Variants in ENO1 observed in about 807,000 individuals in gnomAD.
ENO1 encodes the protein enolase 1.
ENO1 carries 33 observed loss-of-function variants against 46.3 expected under a neutral mutation model. That is an observed-to-expected ratio of 0.71 (90% CI 0.54 to 0.95). The LOEUF (loss-of-function observed/expected upper bound fraction) is 0.95, where lower values mean the gene tolerates loss of function less well. Among genes scored for constraint, ENO1 ranks in the 40% least tolerant of loss-of-function variants. The probability of loss-of-function intolerance (pLI) is 0.00; values close to 1 mark genes in which losing one functional copy is unlikely to be tolerated. For synonymous variants in ENO1, 220 were observed against 216.0 expected (o/e 1.02, Z -0.16); for missense variants, 488 against 553.3 (o/e 0.88, Z 1.18).
At chr1:8,865,562 A>T in intron 7 of ENO1, 80 bp from the exon 8 acceptor site, 1 of 1,371,238 alleles carries the variant, frequency 7.3e-7, no homozygotes, top group Non-Finnish European at 1.0e-6. Flanking sequence ...CTACACAGGG[A>T]CTGTAACACA....
intron 11 of ENO1, among the ~76,000 whole-genome samples, chr1:8,862,070 TCTGG>T (rs1642417044): frequency 6.6e-6 from 1 of 151,858 alleles, no homozygotes; most frequent in South Asian, 2.1e-4. Flanking sequence ...ATTGCTTGAA[TCTGG>T]GAGGCAGAGG....
chr1:8,862,869 C>T lies in ENO1; in HGVS notation c.1235+18G>A, dbSNP rs777345716. The stretch of plus-strand genomic sequence containing the variant: ...CCTAGTGAACCACAGGCCCCTTGTT[C>T]TCAGGAGCCCTCCTTACCTGAGGAG... On this transcript the variant is annotated intron_variant, in intron 11 of 11. Transcript: ENST00000234590. The T allele has an allele frequency of 1.4e-5, 23 of 1,613,170 alleles. No homozygotes were observed. The highest frequency in any genetic ancestry group is 2.0e-5 in the Non-Finnish European group (23 of 1,179,436).
intron 4 of ENO1, 113 bp from the exon 5 acceptor site, chr1:8,868,170 G>A (rs949074466): frequency 2.5e-6 from 2 of 813,956 alleles, no homozygotes; most frequent in Non-Finnish European, 2.0e-6. Context: ...TCAATTCTGT[G>A]ATGTTTGTTT....
rs779897060 is a variant in ENO1 at position 8,862,923 on chromosome 1, C to T, written c.1199G>A (p.Arg400Gln). The T allele has an allele frequency of 7.4e-6, 12 of 1,613,968 alleles. No homozygotes were observed. The highest frequency in any genetic ancestry group is 1.6e-4 in the Middle Eastern group (1 of 6,084). ...TGQIKTGAPC[R>Q]SERLAKYNQL... ...GTTGTACTTGGCCAAGCGCTCAGAT[C>T]GGCAAGGGGCACCAGTCTTGATCTA... Residue 400 changes from arginine to glutamine, a missense_variant, in exon 11 of 12, where the codon CGA (arginine) becomes CAA (glutamine). Arg to Gln is a conservative substitution (Grantham distance 43). Transcript: ENST00000234590.
chr1:8,864,377 T>C (rs1280055348), intron 8 of ENO1, among the ~76,000 whole-genome samples: 1 of 152,208 alleles, frequency 6.6e-6, no homozygotes, highest in Non-Finnish European at 1.5e-5. Context: ...CATAGCTAAG[T>C]GCAGCTGTGA....
At position 8,863,994 on chromosome 1, in the gene ENO1, C is replaced by T; in HGVS notation, c.964G>A (p.Val322Met). 6.2e-7 allele frequency: 1 copy of T among 1,614,192 alleles called. No homozygotes were observed. The highest frequency in any genetic ancestry group is 1.7e-5 in the Admixed American group (1 of 60,008). ...GIQVVGDDLT[V>M]TNPKRIAKAV... ...TTGGCGATCCTCTTTGGGTTGGTCA[C>T]TGTGAGATCATCCCCCACTACCTGG... The change falls in exon 9 of 12, where the codon GTG (valine) becomes ATG (methionine). Residue 322 changes from valine (V) to methionine (M), a missense_variant. Val to Met is a conservative substitution (Grantham distance 21, BLOSUM62 1). Transcript: ENST00000234590.
chr1:8,877,714 A>AC (rs1557589614), intron 1 of ENO1: 31 of 151,350 alleles, frequency 2.0e-4, no homozygotes, highest in Non-Finnish European at 3.7e-4. Context: ...CAACAACAAA[A>AC]AAAAAACAAA....
At chr1:8,869,203 A>G (rs559628428) in intron 4 of ENO1, among the ~76,000 whole-genome samples, 2 of 150,920 alleles carry the variant, frequency 1.3e-5, no homozygotes, top group African/African-American at 5.0e-5. Context: ...TCTCACTAAC[A>G]GTTTGGTATG....
intron 7 of ENO1, 82 bp from the exon 8 acceptor site, chr1:8,865,564 T>C (rs1642494137): frequency 1.5e-6 from 2 of 1,370,698 alleles, no homozygotes; most frequent in African/African-American, 1.4e-5. Flanking sequence ...ACACAGGGAC[T>C]GTAACACAAA....
intron 1 of ENO1, chr1:8,878,024 G>A (rs920983566): frequency 3.3e-5 from 5 of 153,550 alleles, no homozygotes. Flanking sequence ...TGCCTTCTCG[G>A]AGTTAAATGA....
intron 4 of ENO1, among the ~76,000 whole-genome samples, chr1:8,869,566 T>C (rs1227960342): frequency 6.6e-6 from 1 of 152,066 alleles, no homozygotes; most frequent in African/African-American, 2.4e-5. Context: ...AGCTTTGTTA[T>C]TTTTATTTTT....
At chr1:8,866,988 T>C in intron 6 of ENO1, 129 bp downstream of exon 6, 2 of 1,396,786 alleles carry the variant, frequency 1.4e-6, no homozygotes, top group Non-Finnish European at 1.9e-6. Flanking sequence ...AGGTCACACT[T>C]AACAAGGGGC....
At chr1:8,865,544 A>G in intron 7 of ENO1, 62 bp from the exon 8 acceptor site, 1 of 1,512,496 alleles carries the variant, frequency 6.6e-7, no homozygotes, top group South Asian at 1.2e-5. Context: ...ACTTCCCTTC[A>G]ACAGCTGCTA....
chr1:8,870,382 G>A, intron 4 of ENO1, 70 bp downstream of exon 4: 1 of 1,596,772 alleles, frequency 6.3e-7, no homozygotes, highest in Non-Finnish European at 8.6e-7. Flanking sequence ...TCCATAAACA[G>A]GAAAGCCCCT....
In ENO1 at chr1:8,871,720, A is replaced by T. The variant is rs939331416; in HGVS notation, c.181+171T>A. 10 of 1,263,970 alleles carry T rather than the reference A, an allele frequency of 7.9e-6. No homozygotes were observed. The African/African-American group carries it at 1.5e-4, about 19-fold the overall frequency. 78.3% of individuals were successfully genotyped at this position (1,263,970 alleles called of 1,614,324 possible). ...CGGGAACCCCGGAATCCACACACCAACTTTCCTGTCCACAAGGTGGTGCAC... is the reference window on the plus strand; with the variant it reads ...CGGGAACCCCGGAATCCACACACCATCTTTCCTGTCCACAAGGTGGTGCAC... On this transcript the variant is annotated intron_variant, in intron 3 of 11. Coordinates refer to ENST00000234590, the MANE Select transcript of ENO1 (RefSeq NM_001428.5).
chr1:8,865,805 A>T (rs1316537408), intron 7 of ENO1, among the ~76,000 whole-genome samples: 1 of 152,188 alleles, frequency 6.6e-6, no homozygotes, highest in Non-Finnish European at 1.5e-5. Context: ...CAGCTGTCCC[A>T]AGGCACAGGC....
intron 11 of ENO1, 55 bp downstream of exon 11, chr1:8,862,832 T>C: frequency 1.3e-6 from 2 of 1,596,086 alleles, no homozygotes; most frequent in Admixed American, 3.4e-5. Context: ...CTACACTGAG[T>C]GCAGGCCCCC....
chr1:8,869,021 A>T (rs1323835276), intron 4 of ENO1, among the ~76,000 whole-genome samples: 1 of 152,180 alleles, frequency 6.6e-6, no homozygotes, highest in Non-Finnish European at 1.5e-5. Context: ...CTAATATATT[A>T]ATAACAAGGC....
At chr1:8,863,472 T>C (rs1569894605) in intron 9 of ENO1, 129 bp from the exon 10 acceptor site, 2 of 914,542 alleles carry the variant, frequency 2.2e-6, no homozygotes, top group Non-Finnish European at 3.2e-6. Flanking sequence ...CCTCCATGCC[T>C]GGGCTTTGTC....
Sources: allele counts gnomAD v4.1 joint callset (sites outside exome capture counted in the v4.1 genomes callset), GRCh38; gene constraint gnomAD v4.1.1; transcripts MANE v1.5; gene names NCBI Gene and HGNC (gene_info 2026-07-23, HGNC 2026-07-21).